Variants in TCF20 observed in about 807,000 individuals in gnomAD.
TCF20 encodes SPRE-binding protein.
In TCF20, 3 loss-of-function variants were observed where a neutral mutation model predicts 148.6. The ratio of observed to expected loss-of-function variants is 0.02; its 90% CI spans 0.01 to 0.05. TCF20 has a LOEUF of 0.05. TCF20 is among the 10% of genes least tolerant of loss of function. The probability of loss-of-function intolerance (pLI) is 1.00; values close to 1 mark genes in which losing one functional copy is unlikely to be tolerated. For synonymous variants in TCF20, 1,049 were observed against 909.5 expected (o/e 1.15, Z -2.76); for missense variants, 2,350 against 2,429.3 (o/e 0.97, Z 0.69).
chr22:42,302,043 G>T (rs892499583), intron 1 of TCF20, among the ~76,000 whole-genome samples: 1 of 152,204 alleles, frequency 6.6e-6, no homozygotes, highest in Non-Finnish European at 1.5e-5. Context: ...GGTCTGCATG[G>T]CACAGACCCA....
At chr22:42,239,520 G>A (rs1019437468) in intron 1 of TCF20, among the ~76,000 whole-genome samples, 1 of 152,006 alleles carries the variant, frequency 6.6e-6, no homozygotes, top group African/African-American at 2.4e-5. Context: ...AGGTGTGGTG[G>A]CTCATGCCTG....
At chr22:42,260,113 G>C (rs953012819) in intron 1 of TCF20, among the ~76,000 whole-genome samples, 1 of 152,212 alleles carries the variant, frequency 6.6e-6, no homozygotes, top group East Asian at 1.9e-4. Context: ...GGTTGAACCT[G>C]AATGACAAAC....
intron 1 of TCF20, among the ~76,000 whole-genome samples, chr22:42,323,859 T>C (rs1927781167): frequency 1.8e-5 from 2 of 113,226 alleles, no homozygotes; most frequent in Non-Finnish European, 3.9e-5. Flanking sequence ...TGATGGAGGT[T>C]ATGGTGGTGG....
Position 42,292,101 on chromosome 22 carries a change from T to C in TCF20, c.-37+51378A>G, listed in dbSNP as rs1341771618. Among the ~76,000 whole-genome samples, 7 of 152,114 alleles carry C rather than the reference T, an allele frequency of 4.6e-5. No individual in the cohort carries two copies. Among genetic ancestry groups the C allele is most frequent in the African/African-American group, 1.7e-4 (7 of 41,410 alleles). ...GAGACCCGTGAGCACTAATGGGGCC[T>C]CACTCCCATTTCTTAGATAAAGAAA... On this transcript the variant is annotated intron_variant, in intron 1 of 1. Coordinates refer to the TCF20 transcript ENST00000515426. This position sits in a 1 kb window ranked among gnomAD's most constrained non-coding sequence, Gnocchi z 4.9.
At chr22:42,335,627 G>A (rs991505862) in intron 1 of TCF20, among the ~76,000 whole-genome samples, 1 of 152,210 alleles carries the variant, frequency 6.6e-6, no homozygotes, top group South Asian at 2.1e-4. Flanking sequence ...AGACAGCAGG[G>A]GGGCAGAGAG....
At position 42,214,294 on chromosome 22, in the gene TCF20, G is replaced by A. The variant is rs140637102; in HGVS notation, c.1012C>T (p.Leu338=). 35 of 1,614,126 alleles carry A rather than the reference G, an allele frequency of 2.2e-5. 1 individual carries two copies. Among genetic ancestry groups the A allele is most frequent in the Middle Eastern group, 3.3e-4 (2 of 6,084 alleles). Residue 338 remains leucine (L), a synonymous_variant, in exon 2 of 6, where the codon CTG becomes TTG. Transcript: ENST00000677622. ...TGCCCCACTTGGCTTTGCAGGGGCA[G>A]CTTGGTGGCAGCGTTAGTATACTGC... ...VMQYTNAATK[L]PLQSQVGQYN...
chr22:42,168,709 AG>A lies in TCF20; in HGVS notation c.5826del (p.Leu1943CysfsTer118), dbSNP rs756457255. ...CTGCCTTTCGCGGTCTTGTTCTGCA[AG>A]GGGGGGAGAGGGCACGGAAGGGGAG... ...HKPPLPCPLP[P>X]LQNKTAKGSL... On this transcript the variant is annotated frameshift_variant, in exon 5 of 6. Coordinates refer to ENST00000677622, the MANE Select transcript of TCF20 (RefSeq NM_001378418.1). LOFTEE classifies it high-confidence loss of function. 6 of 1,610,662 alleles carry A rather than the reference AG, an allele frequency of 3.7e-6. No homozygotes were observed. The highest frequency in any genetic ancestry group is 8.5e-7 in the Non-Finnish European group (1 of 1,178,846).
intron 1 of TCF20, among the ~76,000 whole-genome samples, chr22:42,300,044 T>C (rs1601698334): frequency 6.6e-6 from 1 of 152,224 alleles, no homozygotes; most frequent in South Asian, 2.1e-4. Flanking sequence ...ACGTGCAGCC[T>C]GGTTCCTTTC....
intron 1 of TCF20, among the ~76,000 whole-genome samples, chr22:42,269,124 A>G (rs967064093): frequency 1.3e-5 from 2 of 152,184 alleles, no homozygotes; most frequent in Admixed American, 6.5e-5. Flanking sequence ...AATTCAGTGT[A>G]GCTTCCCCAT....
chr22:42,275,579 G>A (rs1476976450), upstream of TCF20, among the ~76,000 whole-genome samples: 1 of 152,192 alleles, frequency 6.6e-6, no homozygotes, highest in Non-Finnish European at 1.5e-5. Context: ...GAGGGGCCAG[G>A]TGAGCTGCCT....
intron 1 of TCF20, among the ~76,000 whole-genome samples, chr22:42,311,856 C>A (rs1191467459): frequency 6.6e-6 from 1 of 152,216 alleles, no homozygotes; most frequent in Non-Finnish European, 1.5e-5. Context: ...GTCAAGACAG[C>A]CCTGTTCTCC....
Position 42,270,253 on chromosome 22 carries a change from C to T in TCF20, c.-37+86G>A, listed in dbSNP as rs1292896318. ...TGGGTCCGGCCGGGACCTCTGCTCC[C>T]AGCCCCCGAGGCCGGACACCCCGGC... On this transcript the variant is annotated intron_variant, in intron 1 of 5. Transcript: ENST00000677622. 4.6e-5 allele frequency among the ~76,000 whole-genome samples: 7 copies of T among 152,042 alleles called. No homozygotes were observed. The South Asian group carries it at 1.5e-3, about 32-fold the overall frequency.
At chr22:42,313,711 C>A (rs542071128) in intron 1 of TCF20, among the ~76,000 whole-genome samples, 1 of 151,874 alleles carries the variant, frequency 6.6e-6, no homozygotes, top group African/African-American at 2.4e-5. Context: ...GCAGTTCTCC[C>A]GCCTCAGCCT....
chr22:42,173,210 ATTG>A (rs1936235012), intron 3 of TCF20, among the ~76,000 whole-genome samples: 1 of 151,160 alleles, frequency 6.6e-6, no homozygotes, highest in Non-Finnish European at 1.5e-5. Flanking sequence ...TCTCGTCTTA[ATTG>A]TTGTGGCTCA....
chr22:42,234,336 T>A (rs186535300), intron 1 of TCF20, among the ~76,000 whole-genome samples: 4 of 152,324 alleles, frequency 2.6e-5, no homozygotes, highest in Admixed American at 2.0e-4. Flanking sequence ...GGTCAACCTG[T>A]CAAATGAAGC....
intron 1 of TCF20, chr22:42,269,615 A>G (rs1926481768): frequency 6.6e-6 from 1 of 152,272 alleles, no homozygotes; most frequent in Admixed American, 6.5e-5. Flanking sequence ...AGGTCCCCAA[A>G]CGAGCGCTCC....
At chr22:42,331,245 C>T (rs111879413) in intron 1 of TCF20, among the ~76,000 whole-genome samples, 9 of 152,314 alleles carry the variant, frequency 5.9e-5, no homozygotes, top group Admixed American at 2.0e-4. Flanking sequence ...GCTGACAAGC[C>T]GCTAAGCCAC....
At chr22:42,209,136 G>A (rs1938594986) in intron 2 of TCF20, among the ~76,000 whole-genome samples, 1 of 152,180 alleles carries the variant, frequency 6.6e-6, no homozygotes. Context: ...TTAAGCATGA[G>A]GCTAGGATAA....
chr22:42,188,090 T>C (rs1036302062), intron 2 of TCF20, among the ~76,000 whole-genome samples: 4 of 151,872 alleles, frequency 2.6e-5, no homozygotes, highest in African/African-American at 7.3e-5. Context: ...GGTCACGAGT[T>C]TGAGACCAGG....
Sources: gnomAD v4.1 joint callset for allele counts (sites outside exome capture counted in the v4.1 genomes callset) on GRCh38, gnomAD v4.1.1 for gene constraint, Gnocchi (gnomAD v3.1) non-coding constraint, MANE v1.5 for transcripts, NCBI Gene and HGNC (gene_info 2026-07-23, HGNC 2026-07-21) for gene names.